Variants in GAS7 observed in about 807,000 individuals in gnomAD.
GAS7 encodes growth arrest specific 7, also known as growth arrest-specific protein 7.
In GAS7, 28 loss-of-function variants were observed where a neutral mutation model predicts 71.1. The ratio of observed to expected loss-of-function variants is 0.39; its 90% CI spans 0.29 to 0.54. GAS7 has a LOEUF of 0.54. GAS7 is among the 20% of genes least tolerant of loss of function. GAS7 has a pLI of 0.62. For missense variants in GAS7, 436 were observed against 627.8 expected, an observed-to-expected ratio of 0.69 and a Z score of 3.27; for synonymous variants, 258 against 245.8, an observed-to-expected ratio of 1.05 and a Z score of -0.46.
chr17:10,166,226 G>T (rs570364522), intron 1 of GAS7, among the ~76,000 whole-genome samples: 4 of 151,998 alleles, frequency 2.6e-5, no homozygotes, highest in African/African-American at 7.2e-5. Context: ...GTCTCACTAC[G>T]TTGCCCAGGC....
rs2067449341 is a variant in GAS7, at chr17:9,911,953, T to C, written c.*5275A>G. 1 of 231,988 alleles carries C rather than the reference T, an allele frequency of 4.3e-6. No individual in the cohort carries two copies. The highest frequency in any genetic ancestry group is 8.5e-6 in the Non-Finnish European group (1 of 117,344). 14.4% of individuals were successfully genotyped at this position (231,988 alleles called of 1,614,324 possible). On this transcript the variant is annotated 3_prime_UTR_variant, in exon 14 of 14. Coordinates refer to ENST00000432992, the MANE Select transcript of GAS7 (RefSeq NM_201433.2). The surrounding 1 kb of genome is among the most constrained non-coding windows in gnomAD (Gnocchi z 4.0). ...GTGTGGTCCTGTCCCTGCCACCATG[T>C]ACCACCATCCAGTGGGGTGCAGGTA...
chr17:10,029,438 G>A (rs1280239891), intron 1 of GAS7, among the ~76,000 whole-genome samples: 1 of 152,180 alleles, frequency 6.6e-6, no homozygotes, highest in Non-Finnish European at 1.5e-5. Context: ...AACGCTGAAA[G>A]CAGCTTACAG....
At chr17:10,090,561 T>C (rs2073571367) in intron 1 of GAS7, among the ~76,000 whole-genome samples, 2 of 107,080 alleles carry the variant, frequency 1.9e-5, no homozygotes, top group Non-Finnish European at 2.0e-5. Flanking sequence ...CCTGAACTCT[T>C]TCAAACTCCA....
chr17:10,058,352 C>T (rs902032989), intron 1 of GAS7, among the ~76,000 whole-genome samples: 2 of 151,966 alleles, frequency 1.3e-5, no homozygotes, highest in Admixed American at 1.3e-4. Context: ...ACTCAGGAGG[C>T]TGAGGCAAGA....
At chr17:10,096,890 C>T (rs150088484) in intron 1 of GAS7, among the ~76,000 whole-genome samples, 19 of 152,388 alleles carry the variant, frequency 1.2e-4, no homozygotes, top group African/African-American at 4.6e-4. Context: ...GGCTGGTTTT[C>T]TAGCCTTTGC....
At chr17:10,165,307 A>AAG (rs1555539057) in intron 1 of GAS7, among the ~76,000 whole-genome samples, 1 of 151,370 alleles carries the variant, frequency 6.6e-6, no homozygotes, top group African/African-American at 2.4e-5. Context: ...AAAAAAAAAA[A>AAG]AAAAGAAAAC....
intron 1 of GAS7, among the ~76,000 whole-genome samples, chr17:10,061,989 A>G (rs564916923): frequency 6.6e-6 from 1 of 152,268 alleles, no homozygotes; most frequent in East Asian, 1.9e-4. Context: ...CGCCCACAAC[A>G]AAACAACCAT....
chr17:10,160,293 A>G (rs971351344), intron 1 of GAS7, among the ~76,000 whole-genome samples: 1 of 152,224 alleles, frequency 6.6e-6, no homozygotes, highest in African/African-American at 2.4e-5. Flanking sequence ...GTGGATCTTC[A>G]AGCAATTCGT....
chr17:9,957,352 G>T (rs1392093136), intron 5 of GAS7, among the ~76,000 whole-genome samples: 3 of 152,166 alleles, frequency 2.0e-5, no homozygotes, highest in East Asian at 3.9e-4. Flanking sequence ...GCAGGGATGG[G>T]CGAGGTGTGC....
At chr17:10,159,451 G>T (rs1452678406) in intron 1 of GAS7, among the ~76,000 whole-genome samples, 1 of 152,036 alleles carries the variant, frequency 6.6e-6, no homozygotes, top group African/African-American at 2.4e-5. Flanking sequence ...TTCATAGGGT[G>T]ACACACTACA....
chr17:10,142,382 T>G (rs2074089620), intron 1 of GAS7, among the ~76,000 whole-genome samples: 1 of 152,208 alleles, frequency 6.6e-6, no homozygotes, highest in Non-Finnish European at 1.5e-5. Context: ...GTTTGTTTGT[T>G]TTTTGAGACA....
rs890810447 is a variant in GAS7 at position 10,103,229 on chromosome 17, A to G, written c.184-83332T>C. On this transcript the variant is annotated intron_variant, in intron 1 of 13. Transcript: ENST00000432992. This position sits in a 1 kb window ranked among gnomAD's most constrained non-coding sequence, Gnocchi z 5.5. ...CGTGGTGGTGCACACTTGTGGTCCT[A>G]GCTACTCAGGAGGCTAAGGTGGGAG... Among the ~76,000 whole-genome samples, 1 of 151,968 alleles carries G rather than the reference A, an allele frequency of 6.6e-6. No individual in the cohort carries two copies. Among genetic ancestry groups the G allele is most frequent in the African/African-American group, 2.4e-5 (1 of 41,390 alleles).
chr17:10,075,042 A>G (rs1259836728), intron 1 of GAS7, among the ~76,000 whole-genome samples: 2 of 152,164 alleles, frequency 1.3e-5, no homozygotes, highest in Non-Finnish European at 1.5e-5. Flanking sequence ...CACCAGGACT[A>G]AAGTCTGATA....
chr17:10,126,484 A>G lies in GAS7; in HGVS notation c.183+71724T>C, dbSNP rs148014098. On this transcript the variant is annotated intron_variant, in intron 1 of 13. Transcript: ENST00000432992. Reference sequence around the variant, plus strand: ...CACTCATGCACACACGCACACTCACACCCACTCACATACACACAAACACGT... The same window carrying G: ...CACTCATGCACACACGCACACTCACGCCCACTCACATACACACAAACACGT... Among the ~76,000 whole-genome samples, 180 of 150,378 alleles carry G rather than the reference A, an allele frequency of 1.2e-3. 1 individual carries two copies. The South Asian group carries it at 0.016, about 13-fold the overall frequency.
chr17:9,927,335 A>ACACACACACACACAC (rs57345129), intron 9 of GAS7, among the ~76,000 whole-genome samples: 3 of 149,490 alleles, frequency 2.0e-5, no homozygotes, highest in Non-Finnish European at 4.5e-5. Context: ...ACACACACAC[A>ACACACACACACACAC]AATTAGCTGG....
chr17:10,181,169 G>A (rs910262886), intron 1 of GAS7, among the ~76,000 whole-genome samples: 4 of 151,300 alleles, frequency 2.6e-5, no homozygotes, highest in Non-Finnish European at 4.4e-5. Flanking sequence ...AGACCATCCT[G>A]GCTAACACAG....
At chr17:9,965,443 A>G (rs984337983) in intron 4 of GAS7, among the ~76,000 whole-genome samples, 4 of 152,208 alleles carry the variant, frequency 2.6e-5, no homozygotes, top group African/African-American at 4.8e-5. Context: ...GTTCTCACTC[A>G]TAAGTGGGAG....
intron 1 of GAS7, among the ~76,000 whole-genome samples, chr17:10,151,034 A>C (rs1345515615): frequency 6.6e-6 from 1 of 152,246 alleles, no homozygotes; most frequent in African/African-American, 2.4e-5. Context: ...TTAGGATTAA[A>C]AAGAATAGAA....
chr17:10,134,243 G>A (rs2074021256), intron 1 of GAS7, among the ~76,000 whole-genome samples: 1 of 152,016 alleles, frequency 6.6e-6, no homozygotes, highest in African/African-American at 2.4e-5. Context: ...ATGTTGGCCA[G>A]GATGGTCTCG....
Sources: gnomAD v4.1 joint callset for allele counts (sites outside exome capture counted in the v4.1 genomes callset) on GRCh38, gnomAD v4.1.1 for gene constraint, Gnocchi (gnomAD v3.1) non-coding constraint, MANE v1.5 for transcripts, NCBI Gene and HGNC (gene_info 2026-07-23, HGNC 2026-07-21) for gene names.